Variants in PBX1 observed in about 807,000 individuals in gnomAD.
PBX1 encodes the protein pre-B-cell leukemia transcription factor 1.
In PBX1, 6 loss-of-function variants were observed where a neutral mutation model predicts 53.4. That is an observed-to-expected ratio of 0.11 (90% CI 0.06 to 0.22). The LOEUF (loss-of-function observed/expected upper bound fraction) is 0.22, where lower values mean the gene tolerates loss of function less well. Ranked by LOEUF, PBX1 falls within the 10% of genes least tolerant of loss-of-function variation. PBX1 has a pLI of 1.00. For synonymous variants in PBX1, 204 were observed against 212.3 expected (o/e 0.96, Z 0.34); for missense variants, 251 against 551.4 (o/e 0.46, Z 5.46).
chr1:164,781,884 C>G (rs1471802537), intron 2 of PBX1, among the ~76,000 whole-genome samples: 1 of 152,108 alleles, frequency 6.6e-6, no homozygotes. Flanking sequence ...CTGCCTTTTT[C>G]TAATTTTCTC....
intron 2 of PBX1, among the ~76,000 whole-genome samples, chr1:164,757,834 A>T (rs972435594): frequency 6.6e-6 from 1 of 152,234 alleles, no homozygotes; most frequent in Non-Finnish European, 1.5e-5. Flanking sequence ...GCCAATTCAG[A>T]CTGCAGCCAA....
At chr1:164,580,617 C>T (rs1189534401) in intron 2 of PBX1, among the ~76,000 whole-genome samples, 2 of 151,916 alleles carry the variant, frequency 1.3e-5, no homozygotes, top group African/African-American at 2.4e-5. Context: ...GCTCTGGTTG[C>T]CCAGGCTAGA....
chr1:164,676,010 A>G (rs969823419), intron 2 of PBX1, among the ~76,000 whole-genome samples: 1 of 152,202 alleles, frequency 6.6e-6, no homozygotes, highest in Middle Eastern at 3.4e-3. Flanking sequence ...TATATTTGGT[A>G]TGAACGCGTG....
intron 2 of PBX1, among the ~76,000 whole-genome samples, chr1:164,643,090 A>C (rs972791718): frequency 6.6e-6 from 1 of 152,170 alleles, no homozygotes; most frequent in Non-Finnish European, 1.5e-5. Context: ...GGAGGTGGCG[A>C]AGCTTGAGGC....
At chr1:164,841,743 C>G (rs1283522624) in intron 8 of PBX1, among the ~76,000 whole-genome samples, 1 of 152,054 alleles carries the variant, frequency 6.6e-6, no homozygotes, top group Non-Finnish European at 1.5e-5. Flanking sequence ...TGATGTCTCC[C>G]TGATATATAG....
intron 2 of PBX1, among the ~76,000 whole-genome samples, chr1:164,627,470 G>A (rs1658121870): frequency 6.6e-6 from 1 of 152,096 alleles, no homozygotes; most frequent in African/African-American, 2.4e-5. Flanking sequence ...CTCCTGTTTT[G>A]GTGAGCTCAC....
chr1:164,747,817 A>T (rs189567618), intron 2 of PBX1, among the ~76,000 whole-genome samples: 38 of 152,316 alleles, frequency 2.5e-4, no homozygotes, highest in Admixed American at 1.7e-3. Context: ...AATTGTGTCT[A>T]GCCCTAGGGT....
intron 2 of PBX1, among the ~76,000 whole-genome samples, chr1:164,671,638 CATAAG>C (rs1557931528): frequency 1.3e-5 from 2 of 152,092 alleles, no homozygotes; most frequent in Non-Finnish European, 2.9e-5. Flanking sequence ...CTCTCCTCCT[CATAAG>C]TCTAGGCCAT....
intron 2 of PBX1, among the ~76,000 whole-genome samples, chr1:164,771,729 A>G (rs910605802): frequency 6.6e-6 from 1 of 152,184 alleles, no homozygotes; most frequent in Non-Finnish European, 1.5e-5. Context: ...TCTGTTAAAC[A>G]CAGCTCATGT....
intron 8 of PBX1, among the ~76,000 whole-genome samples, chr1:164,826,487 C>G (rs1380884914): frequency 6.6e-6 from 1 of 152,104 alleles, no homozygotes; most frequent in Non-Finnish European, 1.5e-5. Context: ...TCACTGCAAC[C>G]TCTGCCTCCT....
intron 2 of PBX1, among the ~76,000 whole-genome samples, chr1:164,744,040 C>T (rs1053915159): frequency 6.6e-6 from 1 of 152,090 alleles, no homozygotes; most frequent in Non-Finnish European, 1.5e-5. Context: ...CTTATGGACA[C>T]GATTGATTAG....
chr1:164,667,894 T>C (rs1660894688), intron 2 of PBX1, among the ~76,000 whole-genome samples: 1 of 152,158 alleles, frequency 6.6e-6, no homozygotes, highest in African/African-American at 2.4e-5. Context: ...TCCTAGCCTT[T>C]CCTAGTCTCA....
chr1:164,794,731 G>T (rs1668701470), intron 3 of PBX1, among the ~76,000 whole-genome samples: 1 of 152,148 alleles, frequency 6.6e-6, no homozygotes. Flanking sequence ...TGACCTCTTG[G>T]ATTCTTATTA....
chr1:164,754,679 A>G (rs1666412788), intron 2 of PBX1, among the ~76,000 whole-genome samples: 1 of 152,042 alleles, frequency 6.6e-6, no homozygotes, highest in Non-Finnish European at 1.5e-5. Context: ...ACGTGCGTGC[A>G]CGTGCGTGCG....
chr1:164,629,585 C>T (rs1490460412), intron 2 of PBX1, among the ~76,000 whole-genome samples: 1 of 152,188 alleles, frequency 6.6e-6, no homozygotes, highest in Non-Finnish European at 1.5e-5. Flanking sequence ...TTTATTGGTG[C>T]AGATGGGATG....
intron 2 of PBX1, among the ~76,000 whole-genome samples, chr1:164,597,371 A>G (rs369430532): frequency 4.3e-4 from 66 of 152,322 alleles, no homozygotes; most frequent in African/African-American, 1.4e-3. Context: ...TTGTAAGTAG[A>G]TGGTGACATC....
Position 164,603,820 on chromosome 1 carries a change from G to A in PBX1, c.265+40509G>A, listed in dbSNP as rs965733833. On this transcript the variant is annotated intron_variant, in intron 2 of 8. Coordinates refer to ENST00000420696, the MANE Select transcript of PBX1 (RefSeq NM_002585.4). ...TTAGTCTGATGTTTTATACTTTTCAGTTTAGTACCTGAATTGTATCTATCT... is the reference window on the plus strand; with the variant it reads ...TTAGTCTGATGTTTTATACTTTTCAATTTAGTACCTGAATTGTATCTATCT... Among the ~76,000 whole-genome samples, 7 of 147,908 alleles carry A rather than the reference G, an allele frequency of 4.7e-5. 1 individual carries two copies. The highest frequency in any genetic ancestry group is 4.7e-4 in the Admixed American group (7 of 14,812).
chr1:164,784,968 G>A (rs1668104663), intron 2 of PBX1, among the ~76,000 whole-genome samples: 1 of 152,138 alleles, frequency 6.6e-6, no homozygotes. Context: ...AGAAACCCTG[G>A]ACCTAGATTA....
Position 164,876,356 on chromosome 1 carries a change from C to T in PBX1, n.258-22832C>T, listed in dbSNP as rs146924094. ...TCTCCTCTGCTAGGAGGCCGGGCCT[C>T]CTGGCTCGGAGTTGCTGCGTTCTCT... On this transcript the variant is annotated intron_variant and non_coding_transcript_variant, in intron 2 of 2. Transcript: ENST00000558796. Among the ~76,000 whole-genome samples, 1,056 of 151,300 alleles carry T rather than the reference C, an allele frequency of 7.0e-3. 4 individuals carry two copies. The highest frequency in any genetic ancestry group is 0.011 in the Non-Finnish European group (770 of 67,902).
Sources: allele counts gnomAD v4.1 joint callset (sites outside exome capture counted in the v4.1 genomes callset), GRCh38; gene constraint gnomAD v4.1.1; transcripts MANE v1.5; gene names NCBI Gene and HGNC (gene_info 2026-07-23, HGNC 2026-07-21).